Variants in TENM1 observed in about 807,000 individuals in gnomAD.
The protein encoded by TENM1 is teneurin transmembrane protein 1.
Under a neutral mutation model 174.8 loss-of-function variants are expected in TENM1, and 35 were observed. The ratio of observed to expected loss-of-function variants is 0.20; its 90% CI spans 0.15 to 0.27. TENM1 has a LOEUF of 0.27. TENM1 is among the 10% of genes least tolerant of loss of function. TENM1 has a pLI of 1.00. For synonymous variants in TENM1, 781 were observed against 798.7 expected, an observed-to-expected ratio of 0.98 and a Z score of 0.37; for missense variants, 1,633 against 2,130.1, an observed-to-expected ratio of 0.77 and a Z score of 4.59.
intron 11 of TENM1, among the ~76,000 whole-genome samples, chrX:124,632,498 T>A (rs769872796): frequency 9.0e-6 from 1 of 111,071 alleles, no homozygotes; most frequent in Admixed American, 9.6e-5. Context: ...CCTTAACAAG[T>A]TTCTAAGTGA....
chrX:124,382,444 G>C (rs2060168425), intron 31 of TENM1, among the ~76,000 whole-genome samples: 1 of 111,100 alleles, frequency 9.0e-6, no homozygotes. Context: ...ACCTATTGCA[G>C]CAGTCATCAA....
chrX:124,721,841 G>C (rs1396282761), intron 4 of TENM1, among the ~76,000 whole-genome samples: 1 of 112,523 alleles, frequency 8.9e-6, no homozygotes, highest in African/African-American at 3.2e-5. Context: ...AGTTTGAAAT[G>C]AGATAACTAG....
At chrX:124,420,224 A>C (rs2060635364) in intron 25 of TENM1, 87 bp downstream of exon 28, 1 of 990,357 alleles carries the variant, frequency 1.0e-6, no homozygotes, top group Admixed American at 3.0e-5. Context: ...AGCATGCAAC[A>C]CTCAGCAATT....
intron 11 of TENM1, among the ~76,000 whole-genome samples, chrX:124,604,933 T>A (rs964252451): frequency 9.2e-6 from 1 of 108,318 alleles, no homozygotes; most frequent in Non-Finnish European, 1.9e-5. Flanking sequence ...CTGGCATATA[T>A]TATTTTTTTT....
chrX:124,643,295 A>G lies in TENM1; in HGVS notation c.1877-1304T>C, dbSNP rs144395302. The stretch of plus-strand genomic sequence containing the variant: ...AAGTCATATTTAAATCATTCATGTC[A>G]TATTTAATTTAGAAGCACAAAATCA... On this transcript the variant is annotated intron_variant, in intron 10 of 31. Coordinates refer to ENST00000422452, the Ensembl canonical transcript of TENM1. Among the ~76,000 whole-genome samples the G allele has an allele frequency of 3.8e-3, 426 of 111,696 alleles. 4 individuals are homozygous for G. Among genetic ancestry groups the G allele is most frequent in the African/African-American group, 0.013 (405 of 30,734 alleles).
At chrX:125,074,043 G>C in the TENM1 span, among the ~76,000 whole-genome samples, 1 of 111,175 alleles carries the variant, frequency 9.0e-6, no homozygotes, top group Non-Finnish European at 1.9e-5. Flanking sequence ...CAAGTTGGGC[G>C]GGAAATCTTT....
At chrX:125,004,506 C>T in the TENM1 span, among the ~76,000 whole-genome samples, 2 of 112,049 alleles carry the variant, frequency 1.8e-5, no homozygotes, top group Admixed American at 1.9e-4. Flanking sequence ...TGCTTCTTTG[C>T]AATCCCATAC....
intron 3 of TENM1, among the ~76,000 whole-genome samples, chrX:124,739,827 A>G (rs112119164): frequency 1.8e-5 from 2 of 112,470 alleles, no homozygotes; most frequent in African/African-American, 6.5e-5. Flanking sequence ...TACTGGGTAC[A>G]GAGCAAGATC....
At chrX:124,905,044 C>T (rs773081661) in intron 1 of TENM1, among the ~76,000 whole-genome samples, 14 of 111,148 alleles carry the variant, frequency 1.3e-4, no homozygotes, top group African/African-American at 2.9e-4. Context: ...GAAATTCTGG[C>T]TGGATGTGGG....
At chrX:124,847,915 G>A (rs2056640961) in intron 3 of TENM1, among the ~76,000 whole-genome samples, 1 of 111,131 alleles carries the variant, frequency 9.0e-6, no homozygotes, top group South Asian at 3.8e-4. Context: ...GCAGGGGTAT[G>A]AATGGTGACT....
intron 22 of TENM1, among the ~76,000 whole-genome samples, chrX:124,467,732 A>C (rs964489553): frequency 8.9e-6 from 1 of 111,933 alleles, no homozygotes; most frequent in Non-Finnish European, 1.9e-5. Context: ...TACATTTGTA[A>C]GTTGATTTCT....
chrX:124,583,183 G>C (rs1271173939), intron 11 of TENM1, among the ~76,000 whole-genome samples: 9 of 111,302 alleles, frequency 8.1e-5, no homozygotes, highest in African/African-American at 3.0e-4. Flanking sequence ...AGAGACCAGT[G>C]GTTCTCCCAG....
At chrX:124,460,920 G>A (rs1223157254) in intron 22 of TENM1, among the ~76,000 whole-genome samples, 9 of 111,620 alleles carry the variant, frequency 8.1e-5, no homozygotes, top group African/African-American at 2.9e-4. Flanking sequence ...AATGTTTTGT[G>A]TATGGGTATT....
At position 124,386,279 on chromosome X, in the gene TENM1, C is replaced by T. The variant is rs762096544; in HGVS notation, c.5689-215G>A. ...TGGAGGAGAAAGACAAGTAACCAAG[C>T]AATTACAATATAGTGTGAAATGTGT... On this transcript the variant is annotated intron_variant, in intron 28 of 31. Transcript: ENST00000422452. Among the ~76,000 whole-genome samples the T allele has an allele frequency of 3.6e-5, 4 of 111,267 alleles. No individual in the cohort carries two copies. The East Asian group carries it at 1.1e-3, about 32-fold the overall frequency.
At chrX:125,042,302 T>C in the TENM1 span, among the ~76,000 whole-genome samples, 5 of 111,745 alleles carry the variant, frequency 4.5e-5, no homozygotes, top group Non-Finnish European at 1.9e-5. Flanking sequence ...AACAGTAAAG[T>C]AGGTAACTTT....
chrX:124,611,394 T>A (rs951129159), intron 11 of TENM1, among the ~76,000 whole-genome samples: 1 of 111,769 alleles, frequency 8.9e-6, no homozygotes, highest in African/African-American at 3.3e-5. Context: ...CACTAATATG[T>A]CTACCAGAAT....
intron 18 of TENM1, among the ~76,000 whole-genome samples, chrX:124,507,500 G>A (rs1013295351): frequency 9.0e-6 from 1 of 111,644 alleles, no homozygotes; most frequent in African/African-American, 3.3e-5. Flanking sequence ...TGACTTCACT[G>A]TTAGTCATCT....
At chrX:125,131,721 C>T in the TENM1 span, among the ~76,000 whole-genome samples, 2 of 111,725 alleles carry the variant, frequency 1.8e-5, no homozygotes, top group Non-Finnish European at 3.8e-5. Context: ...AGGGGAAATG[C>T]ATTCATCAGG....
At chrX:124,730,224 T>G (rs766574640) in intron 4 of TENM1, among the ~76,000 whole-genome samples, 1 of 111,668 alleles carries the variant, frequency 9.0e-6, no homozygotes, top group South Asian at 3.8e-4. Flanking sequence ...ATGTTGTATA[T>G]GTTTACTTTG....
Sources: gnomAD v4.1 joint callset for allele counts (sites outside exome capture counted in the v4.1 genomes callset) on GRCh38, gnomAD v4.1.1 for gene constraint, MANE v1.5 for transcripts, NCBI Gene and HGNC (gene_info 2026-07-23, HGNC 2026-07-21) for gene names.